Variants in DNAJB6 observed in about 807,000 individuals in gnomAD.
DNAJB6 encodes DnaJ heat shock protein family (Hsp40) member B6.
A neutral mutation model predicts 42.7 loss-of-function variants in DNAJB6; 16 were observed. The observed-to-expected ratio is 0.37, with a 90% confidence interval of 0.25 to 0.57. The LOEUF is 0.57. DNAJB6 is among the 20% of genes least tolerant of loss of function. DNAJB6 has a pLI of 0.74. For missense variants in DNAJB6, 347 were observed against 416.8 expected (o/e 0.83, Z 1.46); for synonymous variants, 170 against 163.5 (o/e 1.04, Z -0.30).
chr7:157,376,386 A>C (rs1800474492), intron 5 of DNAJB6, among the ~76,000 whole-genome samples: 1 of 152,200 alleles, frequency 6.6e-6, no homozygotes, highest in Non-Finnish European at 1.5e-5. Context: ...ATAGCATGAT[A>C]TTGCAAAATT....
intron 8 of DNAJB6, among the ~76,000 whole-genome samples, chr7:157,388,808 T>A (rs554024983): frequency 2.0e-3 from 306 of 152,308 alleles, no homozygotes; most frequent in Non-Finnish European, 3.4e-3. Flanking sequence ...TTTTGTCATC[T>A]CCTGTTTTCC....
intron 1 of DNAJB6, chr7:157,339,890 G>C (rs1469044054): frequency 6.6e-6 from 1 of 152,292 alleles, no homozygotes; most frequent in African/African-American, 2.4e-5. Context: ...GCTTCGCAAA[G>C]TGCTGGATTA....
In DNAJB6 at chr7:157,386,086, A is replaced by G. The variant is rs577573373; in HGVS notation, c.691+475A>G. On this transcript the variant is annotated intron_variant, in intron 8 of 9. Coordinates refer to ENST00000262177, the MANE Select transcript of DNAJB6 (RefSeq NM_058246.4). ...AATTTTTTTCAGTATTTAGTAGTGAAAGATATTAATACATTAATGGTAATA... is the reference window on the plus strand; with the variant it reads ...AATTTTTTTCAGTATTTAGTAGTGAGAGATATTAATACATTAATGGTAATA... 3.0e-6 allele frequency: 3 copies of G among 984,372 alleles called. No individual in the cohort carries two copies. In the South Asian group the frequency reaches 1.4e-4, roughly 46 times the overall value. The allele number at this position is 984,372 out of a possible 1,614,324, so 61.0% of individuals were successfully genotyped here.
chr7:157,345,200 T>TC, intron 1 of DNAJB6, among the ~76,000 whole-genome samples: 1 of 151,616 alleles, frequency 6.6e-6, no homozygotes, highest in Middle Eastern at 3.4e-3. Context: ...CACCATGTTG[T>TC]CCAGACTGGT....
intron 8 of DNAJB6, among the ~76,000 whole-genome samples, chr7:157,405,875 CTT>C (rs1394901474): frequency 6.6e-6 from 1 of 152,230 alleles, no homozygotes; most frequent in Non-Finnish European, 1.5e-5. Flanking sequence ...GCCACTTTCT[CTT>C]TTTCATTTTT....
chr7:157,344,510 C>T (rs1390472075), intron 1 of DNAJB6, among the ~76,000 whole-genome samples: 7 of 149,212 alleles, frequency 4.7e-5, no homozygotes, highest in African/African-American at 1.7e-4. Flanking sequence ...GAGACTCAAA[C>T]TCAAAAAAAA....
chr7:157,415,935 A>T, intron 9 of DNAJB6, 81 bp from the exon 10 acceptor site: 1 of 1,602,964 alleles, frequency 6.2e-7, no homozygotes, highest in East Asian at 2.2e-5. Context: ...TAACATGGGG[A>T]GATATTTAGA....
chr7:157,370,524 G>A (rs1213053240), intron 5 of DNAJB6, among the ~76,000 whole-genome samples: 1 of 152,096 alleles, frequency 6.6e-6, no homozygotes, highest in Admixed American at 6.5e-5. Flanking sequence ...TTTTCCTTGG[G>A]GAAAATAATC....
chr7:157,365,307 C>T (rs576460041), intron 3 of DNAJB6, among the ~76,000 whole-genome samples: 2 of 152,326 alleles, frequency 1.3e-5, no homozygotes, highest in African/African-American at 4.8e-5. Flanking sequence ...ACCAGTGCTT[C>T]TAATGTCATT....
chr7:157,359,943 T>A (rs1799494216), intron 2 of DNAJB6, among the ~76,000 whole-genome samples: 1 of 152,154 alleles, frequency 6.6e-6, no homozygotes, highest in Non-Finnish European at 1.5e-5. Flanking sequence ...ACTAGTAGAG[T>A]GAGGTTTCCC....
intron 5 of DNAJB6, among the ~76,000 whole-genome samples, chr7:157,376,879 T>C (rs1800502499): frequency 6.6e-6 from 1 of 152,096 alleles, no homozygotes; most frequent in Admixed American, 6.6e-5. Flanking sequence ...GACTCCGTCT[T>C]GGGAAAACAA....
chr7:157,356,362 T>C (rs147014701), intron 1 of DNAJB6, among the ~76,000 whole-genome samples: 1 of 152,328 alleles, frequency 6.6e-6, no homozygotes, highest in African/African-American at 2.4e-5. Flanking sequence ...TTGCCTGCTC[T>C]GTCTTGTGTG....
intron 2 of DNAJB6, among the ~76,000 whole-genome samples, chr7:157,360,399 C>T (rs958867290): frequency 2.6e-5 from 4 of 152,126 alleles, no homozygotes; most frequent in Non-Finnish European, 4.4e-5. Context: ...AGTTACAACT[C>T]AAGTTGAGAT....
chr7:157,357,738 A>G (rs562133352), intron 1 of DNAJB6, among the ~76,000 whole-genome samples: 20 of 152,338 alleles, frequency 1.3e-4, no homozygotes, highest in African/African-American at 4.6e-4. Context: ...ACCAGAGGCT[A>G]CATCCTCCAT....
At chr7:157,343,673 T>C (rs967387376) in intron 1 of DNAJB6, among the ~76,000 whole-genome samples, 1 of 152,104 alleles carries the variant, frequency 6.6e-6, no homozygotes, top group Non-Finnish European at 1.5e-5. Flanking sequence ...GTTCTCAAAC[T>C]CCTGACCCCA....
rs866807032 is a variant in DNAJB6, at chr7:157,357,296, T to G, written c.-26-1251T>G. Among the ~76,000 whole-genome samples the G allele has an allele frequency of 1.1e-4, 10 of 90,340 alleles. 1 individual carries two copies. The highest frequency in any genetic ancestry group is 7.3e-4 in the South Asian group (2 of 2,748). 59.3% of individuals were successfully genotyped at this position (90,340 alleles called of 152,430 possible). A position where few individuals can be genotyped will look rare whatever the true frequency, so the allele number is the denominator to read the frequency against. ...CTTCCGTCCTTCCTTCCGTCCTTCCTTCCTTCCTTCCTTCCTTCCTTCCTT... is the reference window on the plus strand; with the variant it reads ...CTTCCGTCCTTCCTTCCGTCCTTCCGTCCTTCCTTCCTTCCTTCCTTCCTT... On this transcript the variant is annotated intron_variant, in intron 1 of 9. Coordinates refer to ENST00000262177, the MANE Select transcript of DNAJB6 (RefSeq NM_058246.4).
intron 8 of DNAJB6, among the ~76,000 whole-genome samples, chr7:157,403,137 A>G (rs937789443): frequency 3.3e-5 from 5 of 152,196 alleles, no homozygotes; most frequent in Non-Finnish European, 5.9e-5. Flanking sequence ...CTTCCGGGTC[A>G]TAGGTGGATA....
At chr7:157,394,305 G>A (rs1047011173) in intron 8 of DNAJB6, among the ~76,000 whole-genome samples, 2 of 152,202 alleles carry the variant, frequency 1.3e-5, no homozygotes, top group Non-Finnish European at 1.5e-5. Context: ...TCAATTCTGT[G>A]AGCTTGTATT....
In DNAJB6 at chr7:157,416,029, T is replaced by C. The variant is rs1409336647; in HGVS notation, c.912T>C (p.Gly304=). Residue 304 remains glycine, a synonymous_variant, in exon 10 of 10, where the codon GGT becomes GGC. Coordinates refer to ENST00000262177, the MANE Select transcript of DNAJB6 (RefSeq NM_058246.4). ...GTGTTTCCTTAGGATTGAAAGAAGG[T>C]GGCAAGAGGAAGAAGCAGAAGCAGA... ...PLASAAGLKE[G]GKRKKQKQRE... is the part of the protein sequence containing the mutation. 2 of 1,614,084 alleles carry C rather than the reference T, an allele frequency of 1.2e-6. No individual in the cohort carries two copies. The highest frequency in any genetic ancestry group is 2.2e-5 in the East Asian group (1 of 44,880).
Sources: allele counts gnomAD v4.1 joint callset (sites outside exome capture counted in the v4.1 genomes callset), GRCh38; gene constraint gnomAD v4.1.1; transcripts MANE v1.5; gene names NCBI Gene and HGNC (gene_info 2026-07-23, HGNC 2026-07-21).